Variants in PDE4D observed in about 807,000 individuals in gnomAD.
PDE4D encodes 3',5'-cyclic-AMP phosphodiesterase 4D.
Under a neutral mutation model 87.4 loss-of-function variants are expected in PDE4D, and 24 were observed. The ratio of observed to expected loss-of-function variants is 0.27; its 90% CI spans 0.20 to 0.39. The LOEUF is 0.39. Ranked by LOEUF, PDE4D falls within the 10% of genes least tolerant of loss-of-function variation. PDE4D has a pLI of 1.00. For missense variants in PDE4D, 714 were observed against 1,041.0 expected (o/e 0.69, Z 4.32); for synonymous variants, 384 against 383.2 (o/e 1.00, Z -0.02).
intron 1 of PDE4D, among the ~76,000 whole-genome samples, chr5:60,257,173 A>C (rs1749144466): frequency 6.6e-6 from 1 of 151,444 alleles, no homozygotes; most frequent in South Asian, 2.1e-4. Context: ...GTTATTATAG[A>C]GTCAAAGAAA....
Position 59,574,084 on chromosome 5 carries a change from T to TTTA in PDE4D, c.455+319083_455+319084insTAA, listed in dbSNP as rs1561240706. ...AAAATATATATATTTATATATATAT[T>TTTA]TATATATATAAATATATATTTATAT... On this transcript the variant is annotated intron_variant, in intron 1 of 14. Coordinates refer to ENST00000340635, the MANE Select transcript of PDE4D (RefSeq NM_001104631.2). Among the ~76,000 whole-genome samples, 137 of 109,716 alleles carry TTTA rather than the reference T, an allele frequency of 1.2e-3. 3 individuals are homozygous for TTTA. Among genetic ancestry groups the TTTA allele is most frequent in the African/African-American group, 5.5e-3 (134 of 24,336 alleles). The allele number at this position is 109,716 out of a possible 152,430, so 72.0% of individuals were successfully genotyped here. A position where few individuals can be genotyped will look rare whatever the true frequency, so the allele number is the denominator to read the frequency against.
chr5:59,183,407 C>T (rs1742130128), intron 4 of PDE4D, among the ~76,000 whole-genome samples: 1 of 152,146 alleles, frequency 6.6e-6, no homozygotes, highest in Non-Finnish European at 1.5e-5. Context: ...AAACTTCTGT[C>T]TTGCATAGAA....
At chr5:59,605,555 G>A (rs1477027795) in intron 1 of PDE4D, among the ~76,000 whole-genome samples, 1 of 152,008 alleles carries the variant, frequency 6.6e-6, no homozygotes, top group African/African-American at 2.4e-5. Flanking sequence ...CGTTATTATA[G>A]GCTAAAATTG....
rs150094425 is a variant in PDE4D at position 60,145,948 on chromosome 5, G to A, written c.42+39609C>T. Among the ~76,000 whole-genome samples, 961 of 152,212 alleles carry A rather than the reference G, an allele frequency of 6.3e-3. 8 individuals carry two copies. Among genetic ancestry groups the A allele is most frequent in the African/African-American group, 0.022 (913 of 41,536 alleles). On this transcript the variant is annotated intron_variant, in intron 2 of 16. Transcript: ENST00000502484. The stretch of plus-strand genomic sequence containing the variant: ...TACTGAGGAGTCTGGGTGTGGTGGC[G>A]CACGCCTGTAATCTCAGCACTTTGG...
intron 2 of PDE4D, among the ~76,000 whole-genome samples, chr5:60,168,927 T>G (rs1224038421): frequency 6.6e-6 from 1 of 152,144 alleles, no homozygotes; most frequent in African/African-American, 2.4e-5. Context: ...TGATTGAAAA[T>G]AAGAAAAAAG....
intron 3 of PDE4D, among the ~76,000 whole-genome samples, chr5:59,186,548 A>G (rs1742962286): frequency 6.6e-6 from 1 of 152,212 alleles, no homozygotes; most frequent in South Asian, 2.1e-4. Flanking sequence ...GAAATGTTTC[A>G]TCTGGCACAG....
At chr5:59,909,143 T>G (rs909313666) in intron 3 of PDE4D, among the ~76,000 whole-genome samples, 1 of 152,212 alleles carries the variant, frequency 6.6e-6, no homozygotes, top group African/African-American at 2.4e-5. Flanking sequence ...AATTCTTCCT[T>G]CACTATATCT....
At chr5:60,045,530 G>T (rs963249374) in intron 2 of PDE4D, among the ~76,000 whole-genome samples, 1 of 151,928 alleles carries the variant, frequency 6.6e-6, no homozygotes, top group African/African-American at 2.4e-5. Context: ...ATCTTGAATT[G>T]ATTTTTGTAT....
chr5:59,719,291 G>C (rs1755488235), intron 1 of PDE4D, among the ~76,000 whole-genome samples: 1 of 152,132 alleles, frequency 6.6e-6, no homozygotes, highest in South Asian at 2.1e-4. Flanking sequence ...AGCTACCAAT[G>C]TGATGGCCCT....
intron 1 of PDE4D, among the ~76,000 whole-genome samples, chr5:59,386,810 C>T (rs1787149424): frequency 6.6e-6 from 1 of 152,082 alleles, no homozygotes; most frequent in Non-Finnish European, 1.5e-5. Flanking sequence ...CACAGGGCTT[C>T]TATTACTCCT....
intron 1 of PDE4D, among the ~76,000 whole-genome samples, chr5:59,323,786 T>C (rs1775143804): frequency 7.6e-6 from 1 of 131,586 alleles, no homozygotes; most frequent in Non-Finnish European, 1.8e-5. Flanking sequence ...CCAAAGACAT[T>C]TTTTTTTTGA....
At chr5:59,951,056 T>C (rs1758245129) in intron 3 of PDE4D, among the ~76,000 whole-genome samples, 1 of 152,132 alleles carries the variant, frequency 6.6e-6, no homozygotes, top group Non-Finnish European at 1.5e-5. Flanking sequence ...TATTAATTTA[T>C]TTAATCCTCA....
At chr5:59,271,268 G>A (rs1404334029) in intron 1 of PDE4D, among the ~76,000 whole-genome samples, 1 of 152,028 alleles carries the variant, frequency 6.6e-6, no homozygotes, top group African/African-American at 2.4e-5. Flanking sequence ...TGAACTCCTG[G>A]CCTCAGGCGA....
intron 1 of PDE4D, among the ~76,000 whole-genome samples, chr5:59,552,612 C>T (rs535072191): frequency 6.6e-6 from 1 of 152,252 alleles, no homozygotes; most frequent in South Asian, 2.1e-4. Context: ...TGCTATTTCA[C>T]TGCATCCTTT....
intron 1 of PDE4D, among the ~76,000 whole-genome samples, chr5:59,763,373 T>C (rs1041142473): frequency 3.3e-5 from 5 of 151,678 alleles, no homozygotes; most frequent in African/African-American, 1.2e-4. Flanking sequence ...GATATATAGA[T>C]GTGTATTATA....
chr5:59,889,558 A>G (rs1029101046), intron 1 of PDE4D, among the ~76,000 whole-genome samples: 12 of 152,350 alleles, frequency 7.9e-5, no homozygotes, highest in African/African-American at 2.9e-4. Context: ...CCTTCTGGAT[A>G]TTTGTATCAC....
At chr5:60,141,106 T>C (rs1780499763) in intron 2 of PDE4D, among the ~76,000 whole-genome samples, 1 of 152,140 alleles carries the variant, frequency 6.6e-6, no homozygotes, top group African/African-American at 2.4e-5. Flanking sequence ...TTTCATACTC[T>C]TTTTTATAGG....
intron 2 of PDE4D, among the ~76,000 whole-genome samples, chr5:60,122,111 G>A (rs1778739303): frequency 6.6e-6 from 1 of 152,032 alleles, no homozygotes; most frequent in African/African-American, 2.4e-5. Context: ...CATGGTCTTG[G>A]GCACCTCTGC....
intron 1 of PDE4D, among the ~76,000 whole-genome samples, chr5:59,874,242 A>G (rs1032292205): frequency 1.3e-5 from 2 of 152,148 alleles, no homozygotes; most frequent in African/African-American, 4.8e-5. Context: ...GAGTCCAGTG[A>G]GATGTTACTT....
Sources: gnomAD v4.1 joint callset for allele counts (sites outside exome capture counted in the v4.1 genomes callset) on GRCh38, gnomAD v4.1.1 for gene constraint, MANE v1.5 for transcripts, NCBI Gene and HGNC (gene_info 2026-07-23, HGNC 2026-07-21) for gene names.